PRKCZ: variants seen among roughly 807,000 people sequenced by gnomAD.
PRKCZ encodes protein kinase C zeta type.
PRKCZ carries 33 observed loss-of-function variants against 79.5 expected under a neutral mutation model. The ratio of observed to expected loss-of-function variants is 0.41; its 90% CI spans 0.31 to 0.55. The LOEUF (loss-of-function observed/expected upper bound fraction) is 0.55, where lower values mean the gene tolerates loss of function less well. PRKCZ is among the 20% of genes least tolerant of loss of function. PRKCZ has a pLI of 0.19. For missense variants in PRKCZ, 578 were observed against 813.5 expected (o/e 0.71, Z 3.52); for synonymous variants, 342 against 320.9 (o/e 1.07, Z -0.70).
At chr1:2,151,039 C>A in intron 9 of PRKCZ, 61 bp downstream of exon 9, 4 of 1,564,130 alleles carry the variant, frequency 2.6e-6, no homozygotes, top group Non-Finnish European at 3.5e-6. Context: ...GGGCCTCCTC[C>A]GGGCTTTAGC....
At chr1:2,116,760 G>T (rs1670840299) in intron 4 of PRKCZ, among the ~76,000 whole-genome samples, 1 of 152,064 alleles carries the variant, frequency 6.6e-6, no homozygotes, top group African/African-American at 2.4e-5. Context: ...TTGGTTATTG[G>T]CTTTTTACAT....
intron 9 of PRKCZ, among the ~76,000 whole-genome samples, chr1:2,152,106 C>T (rs939983028): frequency 2.6e-5 from 4 of 152,192 alleles, no homozygotes; most frequent in Non-Finnish European, 4.4e-5. Flanking sequence ...CCGCCTCAGC[C>T]TGCTAGAGTG....
chr1:2,166,609 C>T (rs1305325161), intron 10 of PRKCZ, among the ~76,000 whole-genome samples: 1 of 151,720 alleles, frequency 6.6e-6, no homozygotes, highest in African/African-American at 2.4e-5. Context: ...GAGGGGCAGC[C>T]TCAGCCCCCT....
rs1340482240 is a variant in PRKCZ, at chr1:2,177,861, GCGAAGGGCTTGCCAC to G, written c.1575+2552_1575+2566del. On this transcript the variant is annotated intron_variant, in intron 16 of 17. Coordinates refer to ENST00000378567, the MANE Select transcript of PRKCZ (RefSeq NM_002744.6). This position sits in a 1 kb window ranked among gnomAD's most constrained non-coding sequence, Gnocchi z 6.4. Reference sequence around the variant, plus strand: ...ACTTCCATCCCAGCCTGAGAGGCCTGCGAAGGGCTTGCCACCGACTGCCAGCCCTGCCTCTGCCAC... The same window carrying G: ...ACTTCCATCCCAGCCTGAGAGGCCTGCGACTGCCAGCCCTGCCTCTGCCAC... 3.9e-5 allele frequency among the ~76,000 whole-genome samples: 6 copies of G among 152,114 alleles called. No individual in the cohort carries two copies. Among genetic ancestry groups the G allele is most frequent in the African/African-American group, 1.4e-4 (6 of 41,418 alleles).
At chr1:2,111,611 A>T (rs1478755012) in intron 4 of PRKCZ, 1 of 152,252 alleles carries the variant, frequency 6.6e-6, no homozygotes, top group African/African-American at 2.4e-5. Context: ...CCCGCCTGCC[A>T]TTGTTGGAGT....
At chr1:2,063,447 G>A (rs940325260) in intron 4 of PRKCZ, among the ~76,000 whole-genome samples, 1 of 152,162 alleles carries the variant, frequency 6.6e-6, no homozygotes, top group Non-Finnish European at 1.5e-5. Context: ...CAAGTAGCTG[G>A]GACTAAAGGC....
chr1:2,115,044 C>G (rs1028464409), intron 4 of PRKCZ, among the ~76,000 whole-genome samples: 2 of 152,268 alleles, frequency 1.3e-5, no homozygotes, highest in African/African-American at 4.8e-5. Flanking sequence ...GGGGCCACCC[C>G]CACACCCCGA....
At chr1:2,102,570 G>C (rs1238748743) in intron 4 of PRKCZ, among the ~76,000 whole-genome samples, 1 of 152,116 alleles carries the variant, frequency 6.6e-6, no homozygotes, top group Non-Finnish European at 1.5e-5. Context: ...CTGACCTCGT[G>C]ATCCGCCCGC....
At chr1:2,064,342 C>T (rs1660951342) in intron 4 of PRKCZ, among the ~76,000 whole-genome samples, 1 of 152,138 alleles carries the variant, frequency 6.6e-6, no homozygotes, top group African/African-American at 2.4e-5. Context: ...TTGATAGTGC[C>T]TTTTGATGGA....
rs191969292 is a variant in PRKCZ at position 2,058,113 on chromosome 1, C to T, written c.284-1428C>T. Among the ~76,000 whole-genome samples, 6 of 151,992 alleles carry T rather than the reference C, an allele frequency of 3.9e-5. No homozygotes were observed. In the East Asian group the frequency reaches 7.8e-4, roughly 20 times the overall value. On this transcript the variant is annotated intron_variant, in intron 3 of 17. Coordinates refer to ENST00000378567, the MANE Select transcript of PRKCZ (RefSeq NM_002744.6). ...CGATCTCCTGACCTCGTGATCCACC[C>T]GCCTCAGCCTCCCAAAGTGCTGGGA... is the stretch of plus-strand genomic sequence containing the variant.
intron 4 of PRKCZ, among the ~76,000 whole-genome samples, chr1:2,100,744 C>T (rs1212052430): frequency 1.3e-5 from 2 of 152,160 alleles, no homozygotes; most frequent in South Asian, 4.1e-4. Flanking sequence ...CGGCCCAGCC[C>T]TGAGCAGGTG....
intron 6 of PRKCZ, chr1:2,144,678 C>G: frequency 9.4e-7 from 1 of 1,066,624 alleles, no homozygotes; most frequent in Non-Finnish European, 1.2e-6. Context: ...GAGGTGAAAG[C>G]CAGGTCTGAC....
intron 4 of PRKCZ, chr1:2,073,800 G>T (rs914413126): frequency 1.9e-6 from 2 of 1,029,432 alleles, no homozygotes; most frequent in African/African-American, 3.4e-5. Context: ...GAGCCTCCCT[G>T]CCTATTGTCG....
At chr1:2,126,680 T>C (rs892694802) in intron 4 of PRKCZ, among the ~76,000 whole-genome samples, 1 of 152,088 alleles carries the variant, frequency 6.6e-6, no homozygotes, top group African/African-American at 2.4e-5. Context: ...CAGCCTGTGG[T>C]TGGGGAATGG....
In PRKCZ at chr1:2,127,856, AC is replaced by A. The variant is rs1211692912; in HGVS notation, c.335-7402del. On this transcript the variant is annotated intron_variant, in intron 4 of 17. Transcript: ENST00000378567. This position sits in a 1 kb window ranked among gnomAD's most constrained non-coding sequence, Gnocchi z 5.1. ...GGTGAGGTGGGGAGTCCCACCCCAA[AC>A]CCCAAACTCCAGTGTCTGGGCCACG... 6.6e-6 allele frequency among the ~76,000 whole-genome samples: 1 copy of A among 151,808 alleles called. No homozygotes were observed. Among genetic ancestry groups the A allele is most frequent in the Non-Finnish European group, 1.5e-5 (1 of 67,928 alleles).
At chr1:2,166,686 G>C (rs1683390749) in intron 10 of PRKCZ, among the ~76,000 whole-genome samples, 1 of 151,442 alleles carries the variant, frequency 6.6e-6, no homozygotes, top group Admixed American at 6.6e-5. Flanking sequence ...CCCCCCCCAG[G>C]CCACGACATG....
Position 2,082,401 on chromosome 1 carries a change from A to G in PRKCZ, c.334+22810A>G. The G allele has an allele frequency of 4.4e-6, 2 of 456,224 alleles. No individual in the cohort carries two copies. Among genetic ancestry groups the G allele is most frequent in the South Asian group, 3.1e-5 (2 of 64,562 alleles). The allele number at this position is 456,224 out of a possible 1,614,324, so 28.3% of individuals were successfully genotyped here. A position where few individuals can be genotyped will look rare whatever the true frequency, so the allele number is the denominator to read the frequency against. Reference sequence around the variant, plus strand: ...GAGTGAAGTCTGGTAGTTTGTGTTTATTTATTTATCTTGGCCAGCAGAGAG... The same window carrying G: ...GAGTGAAGTCTGGTAGTTTGTGTTTGTTTATTTATCTTGGCCAGCAGAGAG... On this transcript the variant is annotated intron_variant, in intron 4 of 17. Transcript: ENST00000378567. The surrounding 1 kb of genome is among the most constrained non-coding windows in gnomAD (Gnocchi z 4.4).
In PRKCZ at chr1:2,184,707, C is replaced by T; in HGVS notation, c.1691+9C>T. 4 of 1,610,048 alleles carry T rather than the reference C, an allele frequency of 2.5e-6. No homozygotes were observed. Among genetic ancestry groups the T allele is most frequent in the Non-Finnish European group, 3.4e-6 (4 of 1,177,864 alleles). ...CTGACCCCAGACGATGAGTGAGTCC[C>T]ACTGGGTGCGGGTCCCTGGAGCACC... On this transcript the variant is annotated intron_variant, in intron 17 of 17. Coordinates refer to ENST00000378567, the MANE Select transcript of PRKCZ (RefSeq NM_002744.6).
chr1:2,121,690 T>C (rs144630511), intron 4 of PRKCZ, among the ~76,000 whole-genome samples: 219 of 11,072 alleles, frequency 0.02, 38 homozygotes, highest in East Asian at 0.1. Flanking sequence ...AGGGTCACGG[T>C]GGTGGTTAGG....
Sources: gnomAD v4.1 joint callset for allele counts (sites outside exome capture counted in the v4.1 genomes callset) on GRCh38, gnomAD v4.1.1 for gene constraint, Gnocchi (gnomAD v3.1) non-coding constraint, MANE v1.5 for transcripts, NCBI Gene and HGNC (gene_info 2026-07-23, HGNC 2026-07-21) for gene names.